SAP130: variants seen among roughly 807,000 people sequenced by gnomAD.
SAP130 encodes the protein Sin3A associated protein 130.
A neutral mutation model predicts 103.2 loss-of-function variants in SAP130; 16 were observed. The ratio of observed to expected loss-of-function variants is 0.16; its 90% CI spans 0.10 to 0.24. The LOEUF (loss-of-function observed/expected upper bound fraction) is 0.24, where lower values mean the gene tolerates loss of function less well. Ranked by LOEUF, SAP130 falls within the 10% of genes least tolerant of loss-of-function variation. The probability of loss-of-function intolerance (pLI) is 1.00; values close to 1 mark genes in which losing one functional copy is unlikely to be tolerated. For synonymous variants in SAP130, 477 were observed against 497.0 expected, an observed-to-expected ratio of 0.96 and a Z score of 0.53; for missense variants, 990 against 1,359.7, an observed-to-expected ratio of 0.73 and a Z score of 4.28.
intron 12 of SAP130, among the ~76,000 whole-genome samples, chr2:127,992,152 T>C (rs1351444911): frequency 1.3e-5 from 2 of 152,118 alleles, no homozygotes; most frequent in Non-Finnish European, 2.9e-5. Context: ...TTTAATTTTT[T>C]GTAGAGATGG....
intron 18 of SAP130, among the ~76,000 whole-genome samples, chr2:127,947,718 G>A (rs1679178505): frequency 6.6e-6 from 1 of 150,488 alleles, no homozygotes; most frequent in African/African-American, 2.4e-5. Context: ...CTGCTTTTCT[G>A]TAAATTAATT....
intron 15 of SAP130, among the ~76,000 whole-genome samples, chr2:127,966,078 C>T (rs1270067671): frequency 6.6e-6 from 1 of 152,160 alleles, no homozygotes; most frequent in African/African-American, 2.4e-5. Flanking sequence ...TGTGGTGGCT[C>T]ACGTCTGTAA....
chr2:127,986,774 G>A lies in SAP130; in HGVS notation c.1958+11C>T. On this transcript the variant is annotated intron_variant, in intron 14 of 20. Coordinates refer to ENST00000643581, the MANE Select transcript of SAP130 (RefSeq NM_001330301.2). The surrounding 1 kb of genome is among the most constrained non-coding windows in gnomAD (Gnocchi z 4.7). ...CCAGAGGTGTCATTCGGCACTACCA[G>A]GTCTACTCACCCATCTGTGGCAGGT... 1 of 1,612,332 alleles carries A rather than the reference G, an allele frequency of 6.2e-7. No individual in the cohort carries two copies. The highest frequency in any genetic ancestry group is 8.5e-7 in the Non-Finnish European group (1 of 1,178,828).
At chr2:128,006,099 A>C (rs1469114339) in intron 7 of SAP130, among the ~76,000 whole-genome samples, 2 of 152,340 alleles carry the variant, frequency 1.3e-5, no homozygotes, top group East Asian at 1.9e-4. Context: ...AAAAAAAAAA[A>C]AACAGACTCC....
At chr2:127,963,687 C>CG (rs1680427842) in intron 15 of SAP130, among the ~76,000 whole-genome samples, 1 of 152,124 alleles carries the variant, frequency 6.6e-6, no homozygotes, top group African/African-American at 2.4e-5. Flanking sequence ...GACTGAATCA[C>CG]GGGGGCGGGT....
rs1361311741 is a variant in SAP130, at chr2:127,942,815, G to A, written c.2902-278C>T. 6.6e-6 allele frequency among the ~76,000 whole-genome samples: 1 copy of A among 151,922 alleles called. No individual in the cohort carries two copies. Among genetic ancestry groups the A allele is most frequent in the African/African-American group, 2.4e-5 (1 of 41,390 alleles). ...ACCAGCCTGACCAACAAGGTGAAAC[G>A]CCATCTCTATTAAAAATACAAAATT... On this transcript the variant is annotated intron_variant, in intron 19 of 20. Transcript: ENST00000643581. This position sits in a 1 kb window ranked among gnomAD's most constrained non-coding sequence, Gnocchi z 4.8.
At chr2:127,985,996 G>T (rs1682357758) in intron 14 of SAP130, among the ~76,000 whole-genome samples, 1 of 152,150 alleles carries the variant, frequency 6.6e-6, no homozygotes, top group South Asian at 2.1e-4. Flanking sequence ...AGTCAAGAGA[G>T]CTGGGGCCGC....
intron 2 of SAP130, 44 bp downstream of exon 2, chr2:128,026,137 T>C (rs1291280616): frequency 1.5e-6 from 2 of 1,321,044 alleles, no homozygotes; most frequent in East Asian, 2.3e-5. Context: ...ACTGGTAATA[T>C]TCTTAAAGTA....
intron 13 of SAP130, 75 bp from the exon 14 acceptor site, chr2:127,987,037 G>GATGA: frequency 7.6e-7 from 1 of 1,309,296 alleles, no homozygotes. Flanking sequence ...AAATAAAAAT[G>GATGA]ATGAGACCAC....
At position 128,026,163 on chromosome 2, in the gene SAP130, G is replaced by C. The variant is rs59173284; in HGVS notation, c.112+18C>G. 6.6e-7 allele frequency: 1 copy of C among 1,508,596 alleles called. No individual in the cohort carries two copies. Among genetic ancestry groups the C allele is most frequent in the East Asian group, 2.3e-5 (1 of 44,368 alleles). The allele number at this position is 1,508,596 out of a possible 1,614,324, so 93.5% of individuals were successfully genotyped here. A position where few individuals can be genotyped will look rare whatever the true frequency, so the allele number is the denominator to read the frequency against. On this transcript the variant is annotated intron_variant, in intron 2 of 20. Coordinates refer to ENST00000643581, the MANE Select transcript of SAP130 (RefSeq NM_001330301.2). ...TCTTAAAGTAGGAAAAAATATATTA[G>C]AATATTACATATCTCACCTGTAGCA...
intron 14 of SAP130, among the ~76,000 whole-genome samples, chr2:127,980,525 C>T (rs1265436805): frequency 6.6e-6 from 1 of 152,078 alleles, no homozygotes; most frequent in Admixed American, 6.5e-5. Flanking sequence ...TTAACAGAAA[C>T]GTACTCATGC....
At chr2:128,006,775 GTC>G (rs1684007729) in intron 7 of SAP130, among the ~76,000 whole-genome samples, 1 of 152,188 alleles carries the variant, frequency 6.6e-6, no homozygotes, top group Non-Finnish European at 1.5e-5. Context: ...GCAAGACGTT[GTC>G]TCAAAAAAGA....
At chr2:127,962,293 A>C (rs1352859291) in intron 15 of SAP130, among the ~76,000 whole-genome samples, 1 of 152,218 alleles carries the variant, frequency 6.6e-6, no homozygotes, top group Non-Finnish European at 1.5e-5. Flanking sequence ...GTTATGGACC[A>C]CTGATACTTC....
In SAP130 at chr2:127,950,215, G is replaced by A. The variant is rs760792150; in HGVS notation, c.2616C>T (p.Ala872=). 4.3e-6 allele frequency: 7 copies of A among 1,614,046 alleles called. No individual in the cohort carries two copies. The highest frequency in any genetic ancestry group is 1.1e-5 in the South Asian group (1 of 91,092). The change falls in exon 17 of 21, where the codon GCC becomes GCT. Residue 872 remains alanine, a synonymous_variant. Transcript: ENST00000643581. ...TCTCAGCCTTCACCAGAAGACTCTT[G>A]GCAGTGGACTTCTCATCATCAGTGC... ...TNSTDDEKST[A]KSLLVKAEKR...
chr2:127,953,317 G>A lies in SAP130; in HGVS notation c.2422+1669C>T, dbSNP rs138072057. ...AATCCTACCACCTCACACCACTTCC[G>A]CTACTACTACCCTGGTTGAGCCTTC... is the stretch of plus-strand genomic sequence containing the variant. On this transcript the variant is annotated intron_variant, in intron 16 of 20. Coordinates refer to ENST00000643581, the MANE Select transcript of SAP130 (RefSeq NM_001330301.2). The surrounding 1 kb of genome is among the most constrained non-coding windows in gnomAD (Gnocchi z 4.0). Among the ~76,000 whole-genome samples, 10 of 152,254 alleles carry A rather than the reference G, an allele frequency of 6.6e-5. No homozygotes were observed. Among genetic ancestry groups the A allele is most frequent in the East Asian group, 3.9e-4 (2 of 5,190 alleles).
rs551642077 is a variant in SAP130, at chr2:127,942,388, AAGT to A, written c.3015+33_3015+35del. The A allele has an allele frequency of 8.0e-4, 1,151 of 1,440,146 alleles. 2 individuals are homozygous for A. Among genetic ancestry groups the A allele is most frequent in the Non-Finnish European group, 1.1e-3 (1,075 of 1,022,456 alleles). 89.2% of individuals were successfully genotyped at this position (1,440,146 alleles called of 1,614,324 possible). On this transcript the variant is annotated intron_variant, in intron 20 of 20. Coordinates refer to ENST00000643581, the MANE Select transcript of SAP130 (RefSeq NM_001330301.2). This position sits in a 1 kb window ranked among gnomAD's most constrained non-coding sequence, Gnocchi z 4.8. ...GGGCTTTACAGAAAGCAACTTCATAAAGTAGATGATCAGAAGGGAAGGGGCGCA... is the reference window on the plus strand; with the variant it reads ...GGGCTTTACAGAAAGCAACTTCATAAAGATGATCAGAAGGGAAGGGGCGCA...
chr2:127,970,662 T>TTGTTA (rs1409418078), intron 15 of SAP130, among the ~76,000 whole-genome samples: 1 of 150,704 alleles, frequency 6.6e-6, no homozygotes, highest in Non-Finnish European at 1.5e-5. Context: ...CTCACTGTAC[T>TTGTTA]CCAGCTTGGG....
At chr2:127,979,693 G>T (rs1243515623) in intron 14 of SAP130, among the ~76,000 whole-genome samples, 1 of 152,076 alleles carries the variant, frequency 6.6e-6, no homozygotes, top group Non-Finnish European at 1.5e-5. Context: ...TTAATGTTAT[G>T]TATCTCTCCA....
chr2:127,965,579 T>C (rs1019152743), intron 15 of SAP130, among the ~76,000 whole-genome samples: 2 of 151,816 alleles, frequency 1.3e-5, no homozygotes, highest in Non-Finnish European at 2.9e-5. Context: ...CATTTGAGAT[T>C]AGGAGTTTGA....
Sources: gnomAD v4.1 joint callset for allele counts (sites outside exome capture counted in the v4.1 genomes callset) on GRCh38, gnomAD v4.1.1 for gene constraint, Gnocchi (gnomAD v3.1) non-coding constraint, MANE v1.5 for transcripts, NCBI Gene and HGNC (gene_info 2026-07-23, HGNC 2026-07-21) for gene names.